The following IPO8 variants were observed in gnomAD, a reference collection of about 807,000 sequenced individuals.
IPO8 encodes importin 8, also known as importin-8.
A neutral mutation model predicts 141.2 loss-of-function variants in IPO8; 65 were observed. The ratio of observed to expected loss-of-function variants is 0.46; its 90% CI spans 0.38 to 0.57. The LOEUF (loss-of-function observed/expected upper bound fraction) is 0.57, where lower values mean the gene tolerates loss of function less well. Among genes scored for constraint, IPO8 ranks in the 20% least tolerant of loss-of-function variants. The probability of loss-of-function intolerance (pLI) is 0.00; values close to 1 mark genes in which losing one functional copy is unlikely to be tolerated. For synonymous variants in IPO8, 411 were observed against 420.3 expected, an observed-to-expected ratio of 0.98 and a Z score of 0.27; for missense variants, 980 against 1,246.8, an observed-to-expected ratio of 0.79 and a Z score of 3.22.
chr12:30,675,312 T>C (rs1401273100), intron 6 of IPO8, among the ~76,000 whole-genome samples: 1 of 152,176 alleles, frequency 6.6e-6, no homozygotes, highest in Non-Finnish European at 1.5e-5. Context: ...TAGAATTAAG[T>C]GTGTACCCAT....
Position 30,668,344 on chromosome 12 carries a change from T to G in IPO8, c.1144+839A>C, listed in dbSNP as rs1455376756. ...TAGCATCTGTACCAGTAGGTTTAGC[T>G]TACGTAGCTAGACACACCTGGCTCA... On this transcript the variant is annotated intron_variant, in intron 10 of 24. Transcript: ENST00000256079. Among the ~76,000 whole-genome samples the G allele has an allele frequency of 3.3e-5, 5 of 152,190 alleles. 1 individual carries two copies. The highest frequency in any genetic ancestry group is 1.2e-4 in the African/African-American group (5 of 41,464).
rs147115792 is a variant in IPO8, at chr12:30,648,082, C to T, written c.2268+1055G>A. Among the ~76,000 whole-genome samples the T allele has an allele frequency of 4.6e-5, 7 of 152,220 alleles. No homozygotes were observed. The East Asian group carries it at 1.2e-3, about 25-fold the overall frequency. ...GATTAAACACAGAATGACCATATTC[C>T]ACTCCTAGGAAATGAAAACATATTC... On this transcript the variant is annotated intron_variant, in intron 20 of 24. Coordinates refer to ENST00000256079, the MANE Select transcript of IPO8 (RefSeq NM_006390.4).
intron 1 of IPO8, among the ~76,000 whole-genome samples, chr12:30,691,450 C>T (rs2053290315): frequency 1.3e-5 from 2 of 152,134 alleles, no homozygotes; most frequent in Admixed American, 6.6e-5. Context: ...CTACTATGAT[C>T]TGCTCCTGAG....
At chr12:30,632,648 T>C (rs1427956309) in intron 23 of IPO8, among the ~76,000 whole-genome samples, 1 of 152,178 alleles carries the variant, frequency 6.6e-6, no homozygotes, top group East Asian at 1.9e-4. Flanking sequence ...TTCCATCAAA[T>C]GTCACCCTCC....
chr12:30,636,872 G>T, intron 22 of IPO8, 110 bp downstream of exon 22: 2 of 888,498 alleles, frequency 2.3e-6, no homozygotes, highest in Non-Finnish European at 1.7e-6. Flanking sequence ...ATGTGTAGCA[G>T]GCCGAAGAAT....
At chr12:30,686,856 T>TAA (rs201910926) in intron 2 of IPO8, among the ~76,000 whole-genome samples, 1 of 152,070 alleles carries the variant, frequency 6.6e-6, no homozygotes, top group Non-Finnish European at 1.5e-5. Flanking sequence ...TTAAAAATTA[T>TAA]GGTGCATCAA....
rs1180236079 is a variant in IPO8 at position 30,630,459 on chromosome 12, G to A, written c.*401C>T. The stretch of plus-strand genomic sequence containing the variant: ...TTTATGCTTTAAAAAAAATTGCAAT[G>A]CACTCCAAAAATTTTTTTCTGATAA... On this transcript the variant is annotated 3_prime_UTR_variant, in exon 25 of 25. Coordinates refer to ENST00000256079, the MANE Select transcript of IPO8 (RefSeq NM_006390.4). 1 of 168,702 alleles carries A rather than the reference G, an allele frequency of 5.9e-6. No homozygotes were observed. Among genetic ancestry groups the A allele is most frequent in the Non-Finnish European group, 1.3e-5 (1 of 79,772 alleles). The allele number at this position is 168,702 out of a possible 1,614,324, so 10.5% of individuals were successfully genotyped here.
intron 6 of IPO8, 111 bp from the exon 7 acceptor site, chr12:30,674,864 T>A: frequency 2.7e-6 from 2 of 747,540 alleles, no homozygotes; most frequent in South Asian, 3.0e-5. Flanking sequence ...AATGTGAAGT[T>A]AGATTGCTAT....
intron 8 of IPO8, among the ~76,000 whole-genome samples, chr12:30,671,721 TAAAGAAACA>T (rs1351891433): frequency 7.0e-6 from 1 of 143,780 alleles, no homozygotes; most frequent in Non-Finnish European, 1.5e-5. Flanking sequence ...CAGATCTGAC[TAAAGAAACA>T]TTAAAAACTT....
At chr12:30,655,044 T>C (rs1191493734) in intron 17 of IPO8, among the ~76,000 whole-genome samples, 1 of 152,126 alleles carries the variant, frequency 6.6e-6, no homozygotes, top group East Asian at 1.9e-4. Context: ...AATCCTATTA[T>C]TTGTAACAAC....
Position 30,657,993 on chromosome 12 carries a change from T to A in IPO8, c.1882-1243A>T, listed in dbSNP as rs564126278. ...GAAGGTAAAATTTCACTGAATTTTC[T>A]TTTCACATCTTTTGAATTTTTCAAC... On this transcript the variant is annotated intron_variant, in intron 16 of 24. Transcript: ENST00000256079. 2.0e-5 allele frequency among the ~76,000 whole-genome samples: 3 copies of A among 152,322 alleles called. No individual in the cohort carries two copies. The South Asian group carries it at 6.2e-4, about 32-fold the overall frequency.
At chr12:30,668,781 T>A (rs2053005459) in intron 10 of IPO8, among the ~76,000 whole-genome samples, 1 of 152,154 alleles carries the variant, frequency 6.6e-6, no homozygotes, top group African/African-American at 2.4e-5. Context: ...GAACACTTAG[T>A]CTCTCAGACA....
At chr12:30,637,543 G>A (rs1314693012) in intron 21 of IPO8, among the ~76,000 whole-genome samples, 5 of 152,120 alleles carry the variant, frequency 3.3e-5, no homozygotes, top group African/African-American at 9.7e-5. Context: ...GGGGAATGAA[G>A]AGTTTCTTAG....
At chr12:30,691,068 A>G (rs999589069) in intron 1 of IPO8, among the ~76,000 whole-genome samples, 9 of 152,178 alleles carry the variant, frequency 5.9e-5, no homozygotes, top group African/African-American at 1.4e-4. Context: ...TCTAAGAGCT[A>G]TTTATGAATT....
chr12:30,630,828 C>G lies in IPO8; in HGVS notation c.*32G>C. On this transcript the variant is annotated 3_prime_UTR_variant, in exon 25 of 25. Transcript: ENST00000256079. ...ACTCCTCTTGTGAAATAAAATGCAG[C>G]GATGACATTTGGTCAGCTGATGTTC... 1 of 1,531,926 alleles carries G rather than the reference C, an allele frequency of 6.5e-7. No homozygotes were observed. Among genetic ancestry groups the G allele is most frequent in the Non-Finnish European group, 9.0e-7 (1 of 1,107,808 alleles). 94.9% of individuals were successfully genotyped at this position (1,531,926 alleles called of 1,614,324 possible).
At chr12:30,681,636 T>C in intron 4 of IPO8, 23 bp downstream of exon 4, 2 of 1,599,850 alleles carry the variant, frequency 1.3e-6, no homozygotes, top group Non-Finnish European at 1.7e-6. Context: ...GCTGCTTTCT[T>C]CAGCCAATGG....
At chr12:30,667,897 C>T (rs1199788315) in intron 10 of IPO8, among the ~76,000 whole-genome samples, 2 of 152,032 alleles carry the variant, frequency 1.3e-5, no homozygotes, top group Non-Finnish European at 2.9e-5. Context: ...TAAAAGAATG[C>T]CTTGCAAGGC....
At chr12:30,668,284 A>C (rs1188399711) in intron 10 of IPO8, among the ~76,000 whole-genome samples, 3 of 152,186 alleles carry the variant, frequency 2.0e-5, no homozygotes, top group Non-Finnish European at 4.4e-5. Flanking sequence ...AAATAATATA[A>C]ACACAAAGCT....
chr12:30,692,766 T>G (rs2053302972), intron 1 of IPO8, among the ~76,000 whole-genome samples: 1 of 152,108 alleles, frequency 6.6e-6, no homozygotes, highest in Non-Finnish European at 1.5e-5. Flanking sequence ...GGGCCTTTTC[T>G]GAACTGTTGT....
Sources: allele counts gnomAD v4.1 joint callset (sites outside exome capture counted in the v4.1 genomes callset), GRCh38; gene constraint gnomAD v4.1.1; transcripts MANE v1.5; gene names NCBI Gene and HGNC (gene_info 2026-07-23, HGNC 2026-07-21).